The following CARMIL1 variants were observed in gnomAD, a reference collection of about 807,000 sequenced individuals.
CARMIL1 encodes capping protein regulator and myosin 1 linker 1, also known as F-actin-uncapping protein LRRC16A.
Under a neutral mutation model 177.1 loss-of-function variants are expected in CARMIL1, and 90 were observed. The observed-to-expected ratio is 0.51, with a 90% confidence interval of 0.43 to 0.61. CARMIL1 has a LOEUF of 0.61. CARMIL1 is among the 20% of genes least tolerant of loss of function. The probability of loss-of-function intolerance (pLI) is 0.00; values close to 1 mark genes in which losing one functional copy is unlikely to be tolerated. For synonymous variants in CARMIL1, 577 were observed against 606.2 expected (o/e 0.95, Z 0.71); for missense variants, 1,380 against 1,667.0 (o/e 0.83, Z 3.00).
chr6:25,383,713 T>A (rs1326074411), intron 2 of CARMIL1: 1 of 152,208 alleles, frequency 6.6e-6, no homozygotes. Context: ...TAAAACAAAA[T>A]TATGGCTTGT....
chr6:25,542,794 A>T (rs921915130), intron 26 of CARMIL1, among the ~76,000 whole-genome samples: 5 of 150,366 alleles, frequency 3.3e-5, no homozygotes, highest in Non-Finnish European at 5.9e-5. Flanking sequence ...TTTTACTATT[A>T]AAAAAAATAC....
In CARMIL1 at chr6:25,510,650, C is replaced by G. The variant is rs573156826; in HGVS notation, c.1577+44C>G. On this transcript the variant is annotated intron_variant, in intron 19 of 36. Coordinates refer to ENST00000329474, the MANE Select transcript of CARMIL1 (RefSeq NM_017640.6). ...TTTATATGACAATGATGAAAATAAC[C>G]AGCCTCCTGAAAGCTTTTGATTTGA... 1.1e-5 allele frequency: 16 copies of G among 1,494,474 alleles called. No individual in the cohort carries two copies. The South Asian group carries it at 1.7e-4, about 16-fold the overall frequency. 92.6% of individuals were successfully genotyped at this position (1,494,474 alleles called of 1,614,324 possible).
chr6:25,288,966 T>C (rs776702002), intron 2 of CARMIL1, among the ~76,000 whole-genome samples: 1 of 152,334 alleles, frequency 6.6e-6, no homozygotes, highest in South Asian at 2.1e-4. Context: ...GCCCTGTGCA[T>C]TGTAAATTTC....
rs557620143 is a variant in CARMIL1 at position 25,577,604 on chromosome 6, A to AT, written c.2743-3313dup. Among the ~76,000 whole-genome samples, 4 of 151,938 alleles carry AT rather than the reference A, an allele frequency of 2.6e-5. No homozygotes were observed. The highest frequency in any genetic ancestry group is 6.6e-5 in the Admixed American group (1 of 15,252). On this transcript the variant is annotated intron_variant, in intron 29 of 36. Coordinates refer to ENST00000329474, the MANE Select transcript of CARMIL1 (RefSeq NM_017640.6). This position sits in a 1 kb window ranked among gnomAD's most constrained non-coding sequence, Gnocchi z 4.5. ...TGGTGACTTAAGCAACTTGACTCTC[A>AT]TTTTTTTAAAAAAAAAGTATGTCTA...
At chr6:25,526,321 C>A (rs891011628) in intron 23 of CARMIL1, among the ~76,000 whole-genome samples, 1 of 150,274 alleles carries the variant, frequency 6.7e-6, no homozygotes, top group African/African-American at 2.4e-5. Context: ...CCAGCCTGGG[C>A]GACAGCACAA....
intron 11 of CARMIL1, among the ~76,000 whole-genome samples, chr6:25,480,481 T>C (rs911565095): frequency 6.6e-6 from 1 of 151,722 alleles, no homozygotes; most frequent in Non-Finnish European, 1.5e-5. Flanking sequence ...TTCTTTTAGT[T>C]AGTGTTTGTA....
chr6:25,373,651 T>G (rs906618717), intron 2 of CARMIL1, among the ~76,000 whole-genome samples: 1 of 151,550 alleles, frequency 6.6e-6, no homozygotes, highest in South Asian at 2.1e-4. Flanking sequence ...GGTGCGATCA[T>G]GGCTCACTGC....
chr6:25,606,179 A>G lies in CARMIL1; in HGVS notation c.3753A>G (p.Thr1251=), dbSNP rs116560993. ...AGSRSRSSSS[T]PTSPKPLLQS... ...CCAGGTCTCGGAGCTCATCCAGCACACCTACGAGCCCGAAGCCCCTCCTGC... is the reference window on the plus strand; with the variant it reads ...CCAGGTCTCGGAGCTCATCCAGCACGCCTACGAGCCCGAAGCCCCTCCTGC... Residue 1251 remains threonine (T), a synonymous_variant, in exon 35 of 37, where the codon ACA becomes ACG. Transcript: ENST00000329474. 4.1e-4 allele frequency: 664 copies of G among 1,613,892 alleles called. 1 individual carries two copies. The African/African-American group carries it at 6.8e-3, about 16-fold the overall frequency.
intron 32 of CARMIL1, among the ~76,000 whole-genome samples, chr6:25,594,824 C>A (rs920515950): frequency 3.3e-5 from 5 of 152,122 alleles, no homozygotes; most frequent in Non-Finnish European, 7.3e-5. Context: ...CAGTTTGAGA[C>A]CTATTGTACG....
At chr6:25,351,894 T>TG (rs1353776339) in intron 2 of CARMIL1, among the ~76,000 whole-genome samples, 42 of 152,198 alleles carry the variant, frequency 2.8e-4, no homozygotes, top group Non-Finnish European at 5.4e-4. Flanking sequence ...TTCTCTGTGC[T>TG]AGGAGTTAAG....
chr6:25,337,835 G>A (rs567830612), intron 2 of CARMIL1, among the ~76,000 whole-genome samples: 4 of 152,296 alleles, frequency 2.6e-5, no homozygotes, highest in East Asian at 1.9e-4. Flanking sequence ...TTCATTTAGC[G>A]ACTAATATTT....
rs911244656 is a variant in CARMIL1, at chr6:25,492,027, A to G, written c.1220+3A>G. 6 of 1,611,740 alleles carry G rather than the reference A, an allele frequency of 3.7e-6. No homozygotes were observed. Among genetic ancestry groups the G allele is most frequent in the Non-Finnish European group, 5.1e-6 (6 of 1,178,354 alleles). ...TCCAGAACTGTCTTCTCTCACCGGTATAGATTTATTTCTGCTCTCATTGTC... is the reference window on the plus strand; with the variant it reads ...TCCAGAACTGTCTTCTCTCACCGGTGTAGATTTATTTCTGCTCTCATTGTC... On this transcript the variant is annotated splice_donor_region_variant and intron_variant, in intron 15 of 36. Coordinates refer to ENST00000329474, the MANE Select transcript of CARMIL1 (RefSeq NM_017640.6).
chr6:25,469,735 T>A (rs1454469534), intron 9 of CARMIL1, among the ~76,000 whole-genome samples: 1 of 152,088 alleles, frequency 6.6e-6, no homozygotes, highest in Admixed American at 6.6e-5. Context: ...CCACTACTTT[T>A]TGTATATTTT....
chr6:25,446,243 C>G (rs1022611861), intron 5 of CARMIL1, among the ~76,000 whole-genome samples: 2 of 152,170 alleles, frequency 1.3e-5, no homozygotes, highest in African/African-American at 4.8e-5. Context: ...ATTGACTTCT[C>G]CCTAGCTAAG....
chr6:25,410,001 C>T (rs551332939), intron 2 of CARMIL1, among the ~76,000 whole-genome samples: 1 of 152,184 alleles, frequency 6.6e-6, no homozygotes, highest in African/African-American at 2.4e-5. Flanking sequence ...CTCCTTCTTT[C>T]CTTATTTTTT....
At chr6:25,438,814 A>T (rs1797464259) in intron 5 of CARMIL1, among the ~76,000 whole-genome samples, 1 of 151,400 alleles carries the variant, frequency 6.6e-6, no homozygotes, top group Non-Finnish European at 1.5e-5. Context: ...GTAACATTTT[A>T]GGGGTGGGAG....
chr6:25,351,860 G>GA (rs139056252), intron 2 of CARMIL1, among the ~76,000 whole-genome samples: 25 of 150,082 alleles, frequency 1.7e-4, no homozygotes, highest in East Asian at 7.8e-4. Flanking sequence ...CTGACAATAT[G>GA]AAAAAAAAAA....
intron 8 of CARMIL1, among the ~76,000 whole-genome samples, chr6:25,450,972 T>TCCCC (rs1562155314): frequency 2.9e-4 from 1 of 3,470 alleles, no homozygotes; most frequent in Non-Finnish European, 5.4e-4. Flanking sequence ...CTCTCTTCTC[T>TCCCC]TCTCCTCTCC....
chr6:25,339,097 A>G (rs1361090494), intron 2 of CARMIL1, among the ~76,000 whole-genome samples: 1 of 152,196 alleles, frequency 6.6e-6, no homozygotes, highest in East Asian at 1.9e-4. Context: ...AAATGACCAC[A>G]ACAAACTCAA....
Sources: gnomAD v4.1 joint callset for allele counts (sites outside exome capture counted in the v4.1 genomes callset) on GRCh38, gnomAD v4.1.1 for gene constraint, Gnocchi (gnomAD v3.1) non-coding constraint, MANE v1.5 for transcripts, NCBI Gene and HGNC (gene_info 2026-07-23, HGNC 2026-07-21) for gene names.